Variants in BRINP3 observed in about 807,000 individuals in gnomAD.
The protein encoded by BRINP3 is BMP/retinoic acid inducible neural specific 3, also known as BMP/retinoic acid-inducible neural-specific protein 3.
BRINP3 carries 19 observed loss-of-function variants against 71.0 expected under a neutral mutation model. The ratio of observed to expected loss-of-function variants is 0.27; its 90% CI spans 0.19 to 0.39. The LOEUF is 0.39. Ranked by LOEUF, BRINP3 falls within the 10% of genes least tolerant of loss-of-function variation. The pLI is 1.00. For missense variants in BRINP3, 959 were observed against 940.8 expected, an observed-to-expected ratio of 1.02 and a Z score of -0.25; for synonymous variants, 380 against 337.7, an observed-to-expected ratio of 1.13 and a Z score of -1.37.
In BRINP3 at chr1:190,160,690, G is replaced by T. The variant is rs767413059; in HGVS notation, c.1162C>A (p.Leu388Ile). ...TACCTTTGTCTTGGCAGGCTGATGAGGGGTTGTTTATGACACCTCTTGCTA... is the reference window on the plus strand; with the variant it reads ...TACCTTTGTCTTGGCAGGCTGATGATGGGTTGTTTATGACACCTCTTGCTA... Reference protein sequence around the residue: ...SLSKRCHKQPLISLPRQRTST... With the variant: ...SLSKRCHKQPIISLPRQRTST... The change falls in exon 7 of 8, where the codon CTC becomes ATC. Residue 388 changes from leucine to isoleucine, a missense_variant. Transcript: ENST00000367462. The T allele has an allele frequency of 2.9e-5, 46 of 1,612,956 alleles. No homozygotes were observed. The highest frequency in any genetic ancestry group is 1.6e-4 in the Middle Eastern group (1 of 6,064).
At chr1:190,412,298 T>C (rs1261120746) in intron 2 of BRINP3, among the ~76,000 whole-genome samples, 2 of 151,262 alleles carry the variant, frequency 1.3e-5, no homozygotes, top group Non-Finnish European at 2.9e-5. Context: ...TAGATTATTA[T>C]TTCTACAATC....
intron 6 of BRINP3, among the ~76,000 whole-genome samples, chr1:190,216,600 C>A (rs1177571786): frequency 1.3e-5 from 2 of 151,540 alleles, no homozygotes; most frequent in East Asian, 3.9e-4. Flanking sequence ...CAGGACTTGC[C>A]CATTACAGAA....
At chr1:190,257,594 T>G (rs961461826) in intron 4 of BRINP3, among the ~76,000 whole-genome samples, 1 of 152,208 alleles carries the variant, frequency 6.6e-6, no homozygotes, top group Non-Finnish European at 1.5e-5. Flanking sequence ...CTGCTCTGGT[T>G]TCTCCCCATC....
intron 2 of BRINP3, among the ~76,000 whole-genome samples, chr1:190,339,492 T>G (rs1336457055): frequency 6.6e-6 from 1 of 151,950 alleles, no homozygotes; most frequent in African/African-American, 2.4e-5. Context: ...AATGCTTAAA[T>G]GTAATTGAAG....
chr1:190,468,482 G>A lies in BRINP3; in HGVS notation c.-51+8966C>T, dbSNP rs78720496. ...TTCAAATTGATTGAACAAGATATTT[G>A]TTAAAATTTCTTCATTTCATGGCTG... On this transcript the variant is annotated intron_variant, in intron 1 of 7. Transcript: ENST00000367462. Among the ~76,000 whole-genome samples the A allele has an allele frequency of 1.2e-3, 178 of 151,234 alleles. 2 individuals carry two copies. The East Asian group carries it at 0.014, about 12-fold the overall frequency.
chr1:190,234,144 T>G (rs1658285362), intron 5 of BRINP3, among the ~76,000 whole-genome samples: 1 of 152,196 alleles, frequency 6.6e-6, no homozygotes, highest in African/African-American at 2.4e-5. Context: ...GATTTTCAAT[T>G]GCTATAGCTT....
chr1:190,188,985 C>T (rs754005084), intron 6 of BRINP3, among the ~76,000 whole-genome samples: 1 of 152,092 alleles, frequency 6.6e-6, no homozygotes, highest in Admixed American at 6.6e-5. Context: ...TGGTCTCGAA[C>T]TCCTGACCTC....
chr1:190,390,792 G>T (rs1442634969), intron 2 of BRINP3, among the ~76,000 whole-genome samples: 2 of 151,784 alleles, frequency 1.3e-5, no homozygotes, highest in Non-Finnish European at 2.9e-5. Context: ...ATAGATAAAA[G>T]AATGAGTATA....
chr1:190,102,916 A>G (rs1651821565), intron 7 of BRINP3, among the ~76,000 whole-genome samples: 1 of 152,042 alleles, frequency 6.6e-6, no homozygotes, highest in African/African-American at 2.4e-5. Context: ...ATCATTAGCT[A>G]AAAGGCCATT....
intron 4 of BRINP3, among the ~76,000 whole-genome samples, chr1:190,244,109 A>C (rs1055489542): frequency 6.6e-5 from 10 of 152,004 alleles, no homozygotes; most frequent in African/African-American, 2.2e-4. Context: ...AGTGCACCTT[A>C]ATGTAACGAA....
At chr1:190,150,453 A>G (rs905823715) in intron 7 of BRINP3, among the ~76,000 whole-genome samples, 1 of 152,200 alleles carries the variant, frequency 6.6e-6, no homozygotes, top group African/African-American at 2.4e-5. Flanking sequence ...ATTAGTCATT[A>G]GATTAAATGT....
chr1:190,132,799 A>T (rs1053494423), intron 7 of BRINP3, among the ~76,000 whole-genome samples: 1 of 152,126 alleles, frequency 6.6e-6, no homozygotes, highest in Non-Finnish European at 1.5e-5. Flanking sequence ...ATAGCAACTG[A>T]TGAAAATGAC....
At position 190,338,556 on chromosome 1, in the gene BRINP3, A is replaced by G. The variant is rs1179401348; in HGVS notation, c.237-56806T>C. ...TTAAGAAATGTTTGTAGACCAGAATATGGAAAGAAAACAAATGATGCATAT... is the reference window on the plus strand; with the variant it reads ...TTAAGAAATGTTTGTAGACCAGAATGTGGAAAGAAAACAAATGATGCATAT... On this transcript the variant is annotated intron_variant, in intron 2 of 7. Transcript: ENST00000367462. Among the ~76,000 whole-genome samples the G allele has an allele frequency of 2.6e-5, 4 of 152,132 alleles. No homozygotes were observed. In the South Asian group the frequency reaches 8.3e-4, roughly 31 times the overall value.
At chr1:190,426,474 T>C (rs2102483859) in intron 2 of BRINP3, among the ~76,000 whole-genome samples, 1 of 151,970 alleles carries the variant, frequency 6.6e-6, no homozygotes, top group African/African-American at 2.4e-5. Context: ...TAATTGAGCG[T>C]CCCTAATCCA....
At chr1:190,476,786 T>A (rs1677530561) in intron 1 of BRINP3, among the ~76,000 whole-genome samples, 1 of 152,202 alleles carries the variant, frequency 6.6e-6, no homozygotes, top group East Asian at 1.9e-4. Context: ...AGAAATGTAC[T>A]GACAAATACT....
intron 1 of BRINP3, among the ~76,000 whole-genome samples, chr1:190,463,533 C>A (rs1441726258): frequency 6.6e-6 from 1 of 151,664 alleles, no homozygotes; most frequent in East Asian, 1.9e-4. Flanking sequence ...TCAGTCAATA[C>A]TCAGGTATTA....
At chr1:190,234,111 G>A (rs565058209) in intron 5 of BRINP3, among the ~76,000 whole-genome samples, 125 of 152,080 alleles carry the variant, frequency 8.2e-4, no homozygotes, top group African/African-American at 2.8e-3. Flanking sequence ...ATTACTATAC[G>A]TAAGAAAAAT....
intron 3 of BRINP3, among the ~76,000 whole-genome samples, chr1:190,269,398 G>A (rs1202507032): frequency 1.3e-5 from 2 of 151,930 alleles, no homozygotes; most frequent in African/African-American, 4.8e-5. Flanking sequence ...CCAACAGTAA[G>A]GACATAAAAC....
intron 6 of BRINP3, among the ~76,000 whole-genome samples, chr1:190,175,315 T>C (rs894446284): frequency 5.9e-5 from 9 of 152,154 alleles, no homozygotes; most frequent in African/African-American, 2.2e-4. Context: ...AATACTTCAC[T>C]ATTGTGCAAA....
Sources: allele counts gnomAD v4.1 joint callset (sites outside exome capture counted in the v4.1 genomes callset), GRCh38; gene constraint gnomAD v4.1.1; transcripts MANE v1.5; gene names NCBI Gene and HGNC (gene_info 2026-07-23, HGNC 2026-07-21).